The following ZNF10 variants were observed in gnomAD, a reference collection of about 807,000 sequenced individuals.
ZNF10 encodes zinc finger protein 10 (KOX 1).
Under a neutral mutation model 12.2 loss-of-function variants are expected in ZNF10, and 8 were observed. The ratio of observed to expected loss-of-function variants is 0.66; its 90% CI spans 0.39 to 1.18. The LOEUF (loss-of-function observed/expected upper bound fraction) is 1.18, where lower values mean the gene tolerates loss of function less well. ZNF10 is among the 50% of genes most tolerant of loss of function. The probability of loss-of-function intolerance (pLI) is 0.01; values close to 1 mark genes in which losing one functional copy is unlikely to be tolerated. For synonymous variants in ZNF10, 229 were observed against 228.2 expected (o/e 1.00, Z -0.03); for missense variants, 603 against 678.9 (o/e 0.89, Z 1.24).
intron 1 of ZNF10, chr12:133,131,075 A>AT (rs1037450820): frequency 2.0e-5 from 3 of 152,100 alleles, no homozygotes; most frequent in African/African-American, 4.8e-5. Flanking sequence ...TCTAACTTCC[A>AT]TTTTTCCCCC....
In ZNF10 at chr12:133,155,656, A is replaced by G. The variant is rs1032230459; in HGVS notation, c.410A>G (p.Asp137Gly). 1 of 1,613,894 alleles carries G rather than the reference A, an allele frequency of 6.2e-7. No homozygotes were observed. Among genetic ancestry groups the G allele is most frequent in the Non-Finnish European group, 8.5e-7 (1 of 1,179,952 alleles). ...EEVWKCRDQL[D>G]KYQENPERHL... ...GTCTGGAAATGTAGAGACCAGTTAG[A>G]CAAGTATCAGGAAAACCCAGAGAGA... The change falls in exon 5 of 5, where the codon GAC becomes GGC. Residue 137 changes from aspartate to glycine, a missense_variant. By Grantham distance (94) the Asp-to-Gly change is moderately conservative. This residue lies in a region of ZNF10 where 393 missense variants were observed against 399.7 expected (regional missense o/e 0.98). Coordinates refer to ENST00000248211, the MANE Select transcript of ZNF10 (RefSeq NM_015394.5).
intron 1 of ZNF10, among the ~76,000 whole-genome samples, chr12:133,136,748 C>A (rs913912702): frequency 2.0e-5 from 3 of 152,136 alleles, no homozygotes; most frequent in African/African-American, 7.2e-5. Flanking sequence ...GTTTACTTCA[C>A]CTATATCTTA....
In ZNF10 at chr12:133,157,139, A is replaced by C. The variant is rs563887396; in HGVS notation, c.*171A>C. 1.9e-6 allele frequency: 1 copy of C among 528,824 alleles called. No homozygotes were observed. The highest frequency in any genetic ancestry group is 2.9e-6 in the Non-Finnish European group (1 of 346,140). 32.8% of individuals were successfully genotyped at this position (528,824 alleles called of 1,614,324 possible). A position where few individuals can be genotyped will look rare whatever the true frequency, so the allele number is the denominator to read the frequency against. ...GGAAAGAAACCACAGATTTTATTTCAGTACACAAATCCATCAGATTTTCTT... is the reference window on the plus strand; with the variant it reads ...GGAAAGAAACCACAGATTTTATTTCCGTACACAAATCCATCAGATTTTCTT... On this transcript the variant is annotated 3_prime_UTR_variant, in exon 5 of 5. Coordinates refer to ENST00000248211, the MANE Select transcript of ZNF10 (RefSeq NM_015394.5).
Position 133,142,165 on chromosome 12 carries a change from G to A in ZNF10, c.-59-2269G>A, listed in dbSNP as rs552463261. On this transcript the variant is annotated intron_variant, in intron 1 of 4. Coordinates refer to ENST00000248211, the MANE Select transcript of ZNF10 (RefSeq NM_015394.5). Reference sequence around the variant, plus strand: ...AGGCCGGGCGCGGTGGCTCACGCCTGTAATCCCAGCACTTTGGGAGGCCGA... The same window carrying A: ...AGGCCGGGCGCGGTGGCTCACGCCTATAATCCCAGCACTTTGGGAGGCCGA... Among the ~76,000 whole-genome samples, 5 of 152,330 alleles carry A rather than the reference G, an allele frequency of 3.3e-5. No homozygotes were observed. The South Asian group carries it at 1.0e-3, about 32-fold the overall frequency.
intron 4 of ZNF10, among the ~76,000 whole-genome samples, chr12:133,154,309 G>A (rs1956026398): frequency 6.6e-6 from 1 of 152,132 alleles, no homozygotes; most frequent in Admixed American, 6.5e-5. Flanking sequence ...GGTAGCAGAT[G>A]GCAGAAATTC....
At chr12:133,147,818 G>C (rs1237346382) in intron 2 of ZNF10, among the ~76,000 whole-genome samples, 6 of 150,602 alleles carry the variant, frequency 4.0e-5, no homozygotes, top group South Asian at 2.1e-4. Context: ...AGTAGAGACG[G>C]GGTTTCACCG....
rs148784362 is a variant in ZNF10 at position 133,149,077 on chromosome 12, A to G, written c.34-1951A>G. On this transcript the variant is annotated intron_variant, in intron 2 of 4. Coordinates refer to ENST00000248211, the MANE Select transcript of ZNF10 (RefSeq NM_015394.5). ...CAGTGTTTTCTTTTAGGTAGCAGATAGTTGAGGCTTGTGGTTTGTTTGTTT... is the reference window on the plus strand; with the variant it reads ...CAGTGTTTTCTTTTAGGTAGCAGATGGTTGAGGCTTGTGGTTTGTTTGTTT... 3.7e-4 allele frequency among the ~76,000 whole-genome samples: 56 copies of G among 151,288 alleles called. No individual in the cohort carries two copies. In the East Asian group the frequency reaches 9.3e-3, roughly 25 times the overall value.
chr12:133,134,144 CAAAA>C (rs35470467), intron 1 of ZNF10, among the ~76,000 whole-genome samples: 3 of 68,064 alleles, frequency 4.4e-5, no homozygotes, highest in Admixed American at 1.8e-4. Context: ...ACTAAAAATA[CAAAA>C]AAAAAAAAAA....
chr12:133,155,785 T>C lies in ZNF10; in HGVS notation c.539T>C (p.Val180Ala). 1 of 1,613,896 alleles carries C rather than the reference T, an allele frequency of 6.2e-7. No individual in the cohort carries two copies. The highest frequency in any genetic ancestry group is 8.5e-7 in the Non-Finnish European group (1 of 1,179,908). ...GGNCLLPAQL[V>A]LREYFHKRDS... ...AACTGTCTTCTTCCTGCTCAGCTAGTACTGAGAGAGTATTTCCATAAACGT... is the reference window on the plus strand; with the variant it reads ...AACTGTCTTCTTCCTGCTCAGCTAGCACTGAGAGAGTATTTCCATAAACGT... The change falls in exon 5 of 5, where the codon GTA becomes GCA. Residue 180 changes from valine (V) to alanine (A), a missense_variant. Physicochemically the swap from Val to Ala is moderately conservative, Grantham distance 64. Transcript: ENST00000248211.
Position 133,156,266 on chromosome 12 carries a change from G to A in ZNF10, c.1020G>A (p.Gln340=), listed in dbSNP as rs751614451. ...GGTTCTCTCACCTTGTTACTCATCA[G>A]AGAACTCATACAGGAGACAAACTGT... ...FSWFSHLVTH[Q]RTHTGDKLYT... The change falls in exon 5 of 5, where the codon CAG becomes CAA. Residue 340 remains glutamine (Q), a synonymous_variant. Transcript: ENST00000248211. 6.2e-7 allele frequency: 1 copy of A among 1,614,128 alleles called. No individual in the cohort carries two copies. The highest frequency in any genetic ancestry group is 1.1e-5 in the South Asian group (1 of 91,080).
chr12:133,151,097 C>T lies in ZNF10; in HGVS notation c.103C>T (p.Gln35Ter), dbSNP rs1357754626. 9.9e-6 allele frequency: 16 copies of T among 1,613,982 alleles called. No homozygotes were observed. The highest frequency in any genetic ancestry group is 1.4e-5 in the Non-Finnish European group (16 of 1,179,882). The change falls in exon 3 of 5, where the codon CAG becomes TAG. Residue 35 changes from glutamine (Q) to a stop codon, truncating the protein, a stop_gained. Coordinates refer to ENST00000248211, the MANE Select transcript of ZNF10 (RefSeq NM_015394.5). LOFTEE classifies it high-confidence loss of function. ...REEWKLLDTA[Q>*]QIVYRNVMLE... ...GGAGTGGAAGCTGCTGGACACTGCTCAGCAGATCGTGTACAGAAATGTGAT... is the reference window on the plus strand; with the variant it reads ...GGAGTGGAAGCTGCTGGACACTGCTTAGCAGATCGTGTACAGAAATGTGAT...
chr12:133,133,084 T>A (rs1223493300), intron 1 of ZNF10, among the ~76,000 whole-genome samples: 1 of 152,214 alleles, frequency 6.6e-6, no homozygotes, highest in East Asian at 1.9e-4. Flanking sequence ...GATGTAAAAT[T>A]TACATAACAT....
At chr12:133,143,826 T>TC (rs1955960044) in intron 1 of ZNF10, 1 of 150,634 alleles carries the variant, frequency 6.6e-6, no homozygotes, top group South Asian at 2.1e-4. Flanking sequence ...AATCAGGGTG[T>TC]CACCTGGACT....
intron 1 of ZNF10, among the ~76,000 whole-genome samples, chr12:133,137,724 C>T (rs1055408160): frequency 7.2e-5 from 11 of 152,180 alleles, no homozygotes; most frequent in African/African-American, 2.4e-4. Flanking sequence ...ACATTTCTAT[C>T]TTCAAGGCCT....
chr12:133,150,931 A>C, intron 2 of ZNF10, 97 bp from the exon 3 acceptor site: 1 of 1,463,272 alleles, frequency 6.8e-7, no homozygotes, highest in Non-Finnish European at 9.3e-7. Flanking sequence ...TACCTGCCCC[A>C]GTGCTGTCAG....
chr12:133,145,565 T>A (rs532775790), intron 2 of ZNF10, among the ~76,000 whole-genome samples: 2 of 152,218 alleles, frequency 1.3e-5, no homozygotes, highest in South Asian at 4.2e-4. Flanking sequence ...ATCCCAGCAC[T>A]TTGGGAGGCT....
intron 4 of ZNF10, among the ~76,000 whole-genome samples, chr12:133,153,767 C>G (rs1164630067): frequency 6.6e-6 from 1 of 152,114 alleles, no homozygotes; most frequent in African/African-American, 2.4e-5. Flanking sequence ...TCAAAACAAC[C>G]AAAATGTATC....
At chr12:133,147,458 G>A (rs1326406444) in intron 2 of ZNF10, among the ~76,000 whole-genome samples, 1 of 152,084 alleles carries the variant, frequency 6.6e-6, no homozygotes, top group Non-Finnish European at 1.5e-5. Context: ...GTGTCTTAGA[G>A]GTATCTCACT....
intron 1 of ZNF10, among the ~76,000 whole-genome samples, chr12:133,136,976 A>G (rs556501414): frequency 5.9e-5 from 9 of 152,138 alleles, no homozygotes; most frequent in African/African-American, 2.2e-4. Context: ...CATGTGGCCT[A>G]CTCACTATGT....
Sources: allele counts gnomAD v4.1 joint callset (sites outside exome capture counted in the v4.1 genomes callset), GRCh38; gene constraint gnomAD v4.1.1; regional missense constraint gnomAD v4.1.1; transcripts MANE v1.5; gene names NCBI Gene and HGNC (gene_info 2026-07-23, HGNC 2026-07-21).